PPP2R2C: variants seen among roughly 807,000 people sequenced by gnomAD.
PPP2R2C encodes protein phosphatase 2 regulatory subunit Bgamma.
Under a neutral mutation model 45.3 loss-of-function variants are expected in PPP2R2C, and 10 were observed. The observed-to-expected ratio is 0.22, with a 90% CI of 0.14 to 0.37. PPP2R2C has a LOEUF of 0.37. PPP2R2C is among the 10% of genes least tolerant of loss of function. The pLI is 1.00. For synonymous variants in PPP2R2C, 257 were observed against 245.4 expected, an observed-to-expected ratio of 1.05 and a Z score of -0.44; for missense variants, 308 against 619.7, an observed-to-expected ratio of 0.50 and a Z score of 5.34.
intron 7 of PPP2R2C, 31 bp downstream of exon 7, chr4:6,333,531 G>T (rs376081625): frequency 6.2e-7 from 1 of 1,602,502 alleles, no homozygotes; most frequent in South Asian, 1.1e-5. Flanking sequence ...AAAAAGACCC[G>T]GGATTGGGGG....
chr4:6,402,940 G>T (rs890671635), intron 1 of PPP2R2C, among the ~76,000 whole-genome samples: 1 of 152,216 alleles, frequency 6.6e-6, no homozygotes, highest in Non-Finnish European at 1.5e-5. Context: ...AGCCATGAAG[G>T]CCTGCCAAGA....
At position 6,321,440 on chromosome 4, in the gene PPP2R2C, C is replaced by A. The variant is rs1731546372; in HGVS notation, c.*1862G>T. 6.6e-6 allele frequency: 1 copy of A among 152,454 alleles called. No homozygotes were observed. Among genetic ancestry groups the A allele is most frequent in the South Asian group, 2.1e-4 (1 of 4,824 alleles). 9.4% of individuals were successfully genotyped at this position (152,454 alleles called of 1,614,324 possible). ...TATGTACATATAATACTGTCCAGGT[C>A]AACTGGATTTTATAGTGATATATAA... On this transcript the variant is annotated 3_prime_UTR_variant, in exon 9 of 9. Transcript: ENST00000382599.
chr4:6,386,948 G>GA (rs141219056), intron 1 of PPP2R2C, among the ~76,000 whole-genome samples: 7 of 151,796 alleles, frequency 4.6e-5, no homozygotes, highest in South Asian at 2.1e-4. Context: ...GTCTGAGACA[G>GA]AAAAAAAATC....
chr4:6,464,888 CAGAG>C (rs1222492027), intron 1 of PPP2R2C, among the ~76,000 whole-genome samples: 1 of 117,702 alleles, frequency 8.5e-6, no homozygotes, highest in African/African-American at 3.5e-5. Context: ...GGGGGAGAGA[CAGAG>C]AGAGAGAGAA....
chr4:6,543,900 A>G (rs919638924), intron 1 of PPP2R2C, among the ~76,000 whole-genome samples: 2 of 152,164 alleles, frequency 1.3e-5, no homozygotes, highest in Non-Finnish European at 2.9e-5. Context: ...TGCTCTCCGT[A>G]ACACCCATGA....
At chr4:6,542,329 C>G (rs1724825947) in intron 1 of PPP2R2C, among the ~76,000 whole-genome samples, 1 of 152,248 alleles carries the variant, frequency 6.6e-6, no homozygotes, top group Non-Finnish European at 1.5e-5. Context: ...ATAAAGTCAA[C>G]AAACCTCCAA....
chr4:6,516,585 C>T (rs1723835267), intron 2 of PPP2R2C, among the ~76,000 whole-genome samples: 1 of 152,214 alleles, frequency 6.6e-6, no homozygotes, highest in Non-Finnish European at 1.5e-5. Context: ...TCCTCCCAGG[C>T]CCTGTGAGCG....
chr4:6,432,426 C>T (rs961806022), intron 1 of PPP2R2C, among the ~76,000 whole-genome samples: 4 of 152,096 alleles, frequency 2.6e-5, no homozygotes, highest in Non-Finnish European at 4.4e-5. Context: ...GTCCAAGGAC[C>T]GTCGGGACCC....
chr4:6,427,892 G>A lies in PPP2R2C; in HGVS notation c.70+44268C>T, dbSNP rs571671578. Among the ~76,000 whole-genome samples the A allele has an allele frequency of 2.0e-5, 3 of 152,336 alleles. No homozygotes were observed. In the East Asian group the frequency reaches 5.8e-4, roughly 29 times the overall value. ...CGGGCACAGGCAGGACTCTGGGAAA[G>A]AGGCTCCCCCTCCTGGATGACTTAG... On this transcript the variant is annotated intron_variant, in intron 1 of 8. Coordinates refer to ENST00000382599, the MANE Select transcript of PPP2R2C (RefSeq NM_020416.4).
rs552704409 is a variant in PPP2R2C at position 6,410,894 on chromosome 4, A to G, written c.71-29800T>C. Among the ~76,000 whole-genome samples, 268 of 150,984 alleles carry G rather than the reference A, an allele frequency of 1.8e-3. 3 individuals are homozygous for G. The highest frequency in any genetic ancestry group is 6.0e-3 in the African/African-American group (245 of 41,036). On this transcript the variant is annotated intron_variant, in intron 1 of 8. Transcript: ENST00000382599. ...ATTTATTTATTTATTTATTAGACAG[A>G]GTCTCACTCTGTCACCCAGGATGAA...
At chr4:6,342,079 GATACACACACAC>G (rs1176314374) in intron 6 of PPP2R2C, among the ~76,000 whole-genome samples, 43 of 86,508 alleles carry the variant, frequency 5.0e-4, no homozygotes, top group African/African-American at 1.7e-3. Flanking sequence ...GATCTGCCAC[GATACACACACAC>G]ACACACACAC....
chr4:6,414,709 C>T (rs1403545540), intron 1 of PPP2R2C, among the ~76,000 whole-genome samples: 1 of 151,928 alleles, frequency 6.6e-6, no homozygotes, highest in South Asian at 2.1e-4. Flanking sequence ...AATGTATCCA[C>T]GAGGCCCTGG....
intron 2 of PPP2R2C, among the ~76,000 whole-genome samples, chr4:6,500,527 G>A (rs927113034): frequency 2.6e-5 from 4 of 152,236 alleles, no homozygotes; most frequent in Non-Finnish European, 5.9e-5. Flanking sequence ...ACTCCAAGCT[G>A]TCGGCCTTGG....
chr4:6,551,506 T>C (rs912540175), intron 1 of PPP2R2C, among the ~76,000 whole-genome samples: 2 of 152,232 alleles, frequency 1.3e-5, no homozygotes, highest in Non-Finnish European at 2.9e-5. Flanking sequence ...TGCCTCCTCC[T>C]CTTGAGTCTG....
At chr4:6,349,487 T>C in intron 5 of PPP2R2C, 1 of 985,424 alleles carries the variant, frequency 1.0e-6, no homozygotes, top group Non-Finnish European at 1.2e-6. Flanking sequence ...TTTATTATTT[T>C]CTATCTGGAA....
At chr4:6,488,747 G>A (rs1316207423) in intron 2 of PPP2R2C, among the ~76,000 whole-genome samples, 1 of 152,068 alleles carries the variant, frequency 6.6e-6, no homozygotes, top group Non-Finnish European at 1.5e-5. Context: ...TGCTAAGGAT[G>A]CTTGCAGAAA....
chr4:6,537,816 C>T (rs966456800), intron 1 of PPP2R2C, among the ~76,000 whole-genome samples: 2 of 152,144 alleles, frequency 1.3e-5, no homozygotes, highest in Admixed American at 6.5e-5. Flanking sequence ...TCCCAAAGTG[C>T]TGGGATTACA....
rs114280221 is a variant in PPP2R2C at position 6,515,028 on chromosome 4, A to G, written c.49+20243T>C. On this transcript the variant is annotated intron_variant, in intron 2 of 9. Transcript: ENST00000506140. ...ACCCTAATCTAGTAGGTCCTGCTTCATCTTCACCTGATTACATCTGCAAAG... is the reference window on the plus strand; with the variant it reads ...ACCCTAATCTAGTAGGTCCTGCTTCGTCTTCACCTGATTACATCTGCAAAG... 2.6e-3 allele frequency among the ~76,000 whole-genome samples: 395 copies of G among 152,082 alleles called. 2 individuals carry two copies. Among genetic ancestry groups the G allele is most frequent in the African/African-American group, 8.8e-3 (366 of 41,452 alleles).
intron 2 of PPP2R2C, among the ~76,000 whole-genome samples, chr4:6,487,501 A>T (rs1722566071): frequency 2.6e-5 from 4 of 151,694 alleles, no homozygotes. Context: ...ACTTTTTTTT[A>T]ATTTCATGCT....
Sources: gnomAD v4.1 joint callset for allele counts (sites outside exome capture counted in the v4.1 genomes callset) on GRCh38, gnomAD v4.1.1 for gene constraint, MANE v1.5 for transcripts, NCBI Gene and HGNC (gene_info 2026-07-23, HGNC 2026-07-21) for gene names.